PSMD2: variants seen among roughly 807,000 people sequenced by gnomAD.
The protein encoded by PSMD2 is 26S proteasome non-ATPase regulatory subunit 2.
A neutral mutation model predicts 101.5 loss-of-function variants in PSMD2; 8 were observed. The ratio of observed to expected loss-of-function variants is 0.08; its 90% CI spans 0.05 to 0.14. PSMD2 has a LOEUF of 0.14. Ranked by LOEUF, PSMD2 falls within the 10% of genes least tolerant of loss-of-function variation. The probability of loss-of-function intolerance (pLI) is 1.00; values close to 1 mark genes in which losing one functional copy is unlikely to be tolerated. For synonymous variants in PSMD2, 418 were observed against 433.8 expected (o/e 0.96, Z 0.45); for missense variants, 784 against 1,147.4 (o/e 0.68, Z 4.58).
rs377401512 is a variant in PSMD2, at chr3:184,300,277, C to T, written c.193-3C>T. ...TGTCTGAGCCCTGTCGTCTCTTGAT[C>T]AGGAGAAGGATACATCCCTGTATCG... is the stretch of plus-strand genomic sequence containing the variant. On this transcript the variant is annotated splice_polypyrimidine_tract_variant and splice_region_variant and intron_variant, in intron 2 of 20. Coordinates refer to ENST00000310118, the MANE Select transcript of PSMD2 (RefSeq NM_002808.5). 6.4e-5 allele frequency: 103 copies of T among 1,610,126 alleles called. No homozygotes were observed. In the African/African-American group the frequency reaches 1.1e-3, roughly 17 times the overall value.
At chr3:184,305,651 G>A in intron 12 of PSMD2, 117 bp from the exon 13 acceptor site, 2 of 932,004 alleles carry the variant, frequency 2.1e-6, no homozygotes, top group Non-Finnish European at 3.2e-6. Context: ...TTGATATTAT[G>A]AACTAATGTT....
rs1279518112 is a variant in PSMD2, at chr3:184,301,895, A to G, written c.528A>G (p.Ala176=). The change falls in exon 5 of 21, where the codon GCA becomes GCG. Residue 176 remains alanine (A), a synonymous_variant. Transcript: ENST00000310118. ...VAKEWQELDD[A]EKVQREPLLT... is the part of the protein sequence containing the mutation. ...AGGAGTGGCAGGAGCTGGATGACGC[A>G]GAGAAGGTCCAGCGGGAGCCTCTGC... is the stretch of plus-strand genomic sequence containing the variant. 2 of 1,614,118 alleles carry G rather than the reference A, an allele frequency of 1.2e-6. No individual in the cohort carries two copies. Among genetic ancestry groups the G allele is most frequent in the Non-Finnish European group, 1.7e-6 (2 of 1,180,062 alleles).
At position 184,306,434 on chromosome 3, in the gene PSMD2, A is replaced by G; in HGVS notation, c.1889A>G (p.Asp630Gly). The G allele has an allele frequency of 1.2e-6, 2 of 1,614,218 alleles. No homozygotes were observed. The highest frequency in any genetic ancestry group is 1.7e-6 in the Non-Finnish European group (2 of 1,180,034). The change falls in exon 15 of 21, where the codon GAC becomes GGC. Residue 630 changes from aspartate to glycine, a missense_variant. Physicochemically the swap from Asp to Gly is moderately conservative, Grantham distance 94. Transcript: ENST00000310118. ...FDSKEKEEDK[D>G]KKEKKDKDKK... ...TCCAAAGAGAAGGAGGAAGACAAAGACAAGAAGGAAAAGAAAGACAAGGAC... is the reference window on the plus strand; with the variant it reads ...TCCAAAGAGAAGGAGGAAGACAAAGGCAAGAAGGAAAAGAAAGACAAGGAC...
In PSMD2 at chr3:184,299,281, C is replaced by T. The variant is rs1370258076; in HGVS notation, c.15C>T (p.Gly5=). 12 of 1,359,580 alleles carry T rather than the reference C, an allele frequency of 8.8e-6. 1 individual carries two copies. In the African/African-American group the frequency reaches 9.1e-5, roughly 10 times the overall value. The allele number at this position is 1,359,580 out of a possible 1,614,324, so 84.2% of individuals were successfully genotyped here. A position where few individuals can be genotyped will look rare whatever the true frequency, so the allele number is the denominator to read the frequency against. The change falls in exon 1 of 21, where the codon GGC becomes GGT. Residue 5 remains glycine (G), a synonymous_variant. Transcript: ENST00000310118. ...TGGCGGCGGAGATGGAGGAGGGAGG[C>T]CGGGACAAGGCGCCGGTGCAGCCCC... The part of the protein sequence containing the change: MEEG[G]RDKAPVQPQQ...
At chr3:184,299,809 G>C in intron 1 of PSMD2, 42 bp from the exon 2 acceptor site, 1 of 1,543,102 alleles carries the variant, frequency 6.5e-7, no homozygotes, top group Non-Finnish European at 9.0e-7. Context: ...GGACGTCTTT[G>C]GGATTCCTTC....
At position 184,306,502 on chromosome 3, in the gene PSMD2, T is replaced by G. The variant is rs141471000; in HGVS notation, c.1950+7T>G. On this transcript the variant is annotated splice_region_variant and intron_variant, in intron 15 of 20. Coordinates refer to ENST00000310118, the MANE Select transcript of PSMD2 (RefSeq NM_002808.5). ...TGACATGGGAGCACATCAGGTTATA[T>G]GGGCAGCTGGGCACTTGCAGAGAGG... The G allele has an allele frequency of 1.2e-6, 2 of 1,610,626 alleles. No individual in the cohort carries two copies. Among genetic ancestry groups the G allele is most frequent in the Non-Finnish European group, 1.7e-6 (2 of 1,178,760 alleles).
chr3:184,300,264 G>A lies in PSMD2; in HGVS notation c.193-16G>A, dbSNP rs1276549167. ...TGTGACTCCTTTTTGTCTGAGCCCTGTCGTCTCTTGATCAGGAGAAGGATA... is the reference window on the plus strand; with the variant it reads ...TGTGACTCCTTTTTGTCTGAGCCCTATCGTCTCTTGATCAGGAGAAGGATA... On this transcript the variant is annotated splice_polypyrimidine_tract_variant and intron_variant, in intron 2 of 20. Coordinates refer to ENST00000310118, the MANE Select transcript of PSMD2 (RefSeq NM_002808.5). 1 of 1,606,702 alleles carries A rather than the reference G, an allele frequency of 6.2e-7. No homozygotes were observed.
Position 184,303,466 on chromosome 3 carries a change from G to T in PSMD2, c.1216G>T (p.Gly406Ter). The stretch of plus-strand genomic sequence containing the variant: ...ATGGCTTTACAAGAACAAGGACCAC[G>T]GTATAATTCTGTTCCTGCTTTGTCT... Reference protein sequence around the residue: ...NKWLYKNKDHGMLSAAASLGM... With the variant: ...NKWLYKNKDH The change falls in exon 9 of 21, where the codon GGA becomes TGA. Residue 406 changes from glycine (G) to a stop codon, truncating the protein, a stop_gained and splice_region_variant. Transcript: ENST00000310118. LOFTEE classifies it high-confidence loss of function. 6.2e-7 allele frequency: 1 copy of T among 1,613,616 alleles called. No individual in the cohort carries two copies.
At chr3:184,299,490 C>T in intron 1 of PSMD2, 89 bp downstream of exon 1, 1 of 1,305,286 alleles carries the variant, frequency 7.7e-7, no homozygotes, top group Non-Finnish European at 9.7e-7. Context: ...CCCAACTACC[C>T]CACCGCGCCA....
At position 184,308,702 on chromosome 3, in the gene PSMD2, C is replaced by T. The variant is rs779762990; in HGVS notation, c.2545-6C>T. ...CATCTCTCTTTTCAATTTTCTTACC[C>T]TACAGGCAGTGGATGTGGTGGGCCA... On this transcript the variant is annotated splice_polypyrimidine_tract_variant and splice_region_variant and intron_variant, in intron 20 of 20. Transcript: ENST00000310118. The surrounding 1 kb of genome is among the most constrained non-coding windows in gnomAD (Gnocchi z 6.0). The T allele has an allele frequency of 9.9e-6, 16 of 1,611,868 alleles. No individual in the cohort carries two copies. The South Asian group carries it at 1.5e-4, about 15-fold the overall frequency.
chr3:184,299,786 G>T lies in PSMD2; in HGVS notation c.136-65G>T, dbSNP rs886650491. The T allele has an allele frequency of 8.8e-6, 12 of 1,359,440 alleles. No individual in the cohort carries two copies. The African/African-American group carries it at 1.7e-4, about 19-fold the overall frequency. 84.2% of individuals were successfully genotyped at this position (1,359,440 alleles called of 1,614,324 possible). A position where few individuals can be genotyped will look rare whatever the true frequency, so the allele number is the denominator to read the frequency against. On this transcript the variant is annotated intron_variant, in intron 1 of 20. Coordinates refer to ENST00000310118, the MANE Select transcript of PSMD2 (RefSeq NM_002808.5). ...CAGGCTTATTCTTCACCTGCCCCGGGTAAGTGGGAGGAGGACGTCTTTGGG... is the reference window on the plus strand; with the variant it reads ...CAGGCTTATTCTTCACCTGCCCCGGTTAAGTGGGAGGAGGACGTCTTTGGG...
In PSMD2 at chr3:184,304,416, A is replaced by C. The variant is rs1560195492; in HGVS notation, c.1539+25A>C. 6.2e-7 allele frequency: 1 copy of C among 1,600,730 alleles called. No homozygotes were observed. The highest frequency in any genetic ancestry group is 1.7e-5 in the Admixed American group (1 of 59,996). On this transcript the variant is annotated intron_variant, in intron 12 of 20. Coordinates refer to ENST00000310118, the MANE Select transcript of PSMD2 (RefSeq NM_002808.5). This position sits in a 1 kb window ranked among gnomAD's most constrained non-coding sequence, Gnocchi z 4.1. ...GGTGAGTAGAGGCTATTGAGCATTT[A>C]GAGTAAGTAGGGAAGGTGCTTTGAG... is the stretch of plus-strand genomic sequence containing the variant.
In PSMD2 at chr3:184,308,532, C is replaced by G. The variant is rs776690633; in HGVS notation, c.2509C>G (p.Leu837Val). 62 of 1,613,584 alleles carry G rather than the reference C, an allele frequency of 3.8e-5. No homozygotes were observed. The highest frequency in any genetic ancestry group is 2.7e-4 in the Admixed American group (16 of 60,004). Reference sequence around the variant, plus strand: ...AATGCTGGTTACGTTTGATGAGGAGCTGCGGCCATTGCCAGTGTCTGTCCG... The same window carrying G: ...AATGCTGGTTACGTTTGATGAGGAGGTGCGGCCATTGCCAGTGTCTGTCCG... ...PRMLVTFDEELRPLPVSVRVG... is the reference protein window; with the variant it reads ...PRMLVTFDEEVRPLPVSVRVG... Residue 837 changes from leucine (L) to valine (V), a missense_variant, in exon 20 of 21, where the codon CTG (leucine) becomes GTG (valine). Physicochemically the swap from Leu to Val is conservative, Grantham distance 32. Transcript: ENST00000310118. The surrounding 1 kb of genome is among the most constrained non-coding windows in gnomAD (Gnocchi z 6.0).
At chr3:184,303,801 T>C in intron 10 of PSMD2, 52 bp downstream of exon 10, 2 of 1,601,400 alleles carry the variant, frequency 1.2e-6, no homozygotes, top group Non-Finnish European at 1.7e-6. Flanking sequence ...CATATTCTAG[T>C]GCCTAGCAGT....
chr3:184,308,944 C>G lies in PSMD2; in HGVS notation c.*54C>G. On this transcript the variant is annotated 3_prime_UTR_variant, in exon 21 of 21. Coordinates refer to ENST00000310118, the MANE Select transcript of PSMD2 (RefSeq NM_002808.5). The surrounding 1 kb of genome is among the most constrained non-coding windows in gnomAD (Gnocchi z 6.0). Reference sequence around the variant, plus strand: ...TGATGTTATCAGCAGGCCATGCATCCTGCTGCCAAGGGTGGACACGGCTGC... The same window carrying G: ...TGATGTTATCAGCAGGCCATGCATCGTGCTGCCAAGGGTGGACACGGCTGC... 1 of 1,550,434 alleles carries G rather than the reference C, an allele frequency of 6.4e-7. No individual in the cohort carries two copies. Among genetic ancestry groups the G allele is most frequent in the Non-Finnish European group, 8.8e-7 (1 of 1,137,294 alleles).
At chr3:184,307,553 A>T (rs778906523) in intron 17 of PSMD2, 28 bp downstream of exon 17, 13 of 1,614,158 alleles carry the variant, frequency 8.1e-6, no homozygotes, top group Non-Finnish European at 1.1e-5. Flanking sequence ...GAAGGTCATA[A>T]ACAGATTGGG....
rs759448769 is a variant in PSMD2, at chr3:184,305,840, A to C, written c.1612A>C (p.Ile538Leu). Residue 538 changes from isoleucine (I) to leucine (L), a missense_variant, in exon 13 of 21, where the codon ATC becomes CTC. Physicochemically the swap from Ile to Leu is conservative, Grantham distance 5. Coordinates refer to ENST00000310118, the MANE Select transcript of PSMD2 (RefSeq NM_002808.5). ...GSCNGDVTSTILQTIMEKSET... is the reference protein window; with the variant it reads ...GSCNGDVTSTLLQTIMEKSET... ...CTGCAATGGAGATGTAACTTCCACTATCCTTCAGACCATCATGGAGAAGTC... is the reference window on the plus strand; with the variant it reads ...CTGCAATGGAGATGTAACTTCCACTCTCCTTCAGACCATCATGGAGAAGTC... 4.3e-6 allele frequency: 7 copies of C among 1,614,192 alleles called. No individual in the cohort carries two copies. The highest frequency in any genetic ancestry group is 5.9e-6 in the Non-Finnish European group (7 of 1,180,032).
At chr3:184,306,590 G>A in intron 15 of PSMD2, 95 bp downstream of exon 15, 2 of 1,550,118 alleles carry the variant, frequency 1.3e-6, no homozygotes, top group Non-Finnish European at 8.7e-7. Context: ...GGCCTCTCTG[G>A]GTATTGCCAT....
At chr3:184,305,081 G>A (rs1468281689) in intron 12 of PSMD2, among the ~76,000 whole-genome samples, 1 of 152,136 alleles carries the variant, frequency 6.6e-6, no homozygotes, top group Non-Finnish European at 1.5e-5. Context: ...ACAGCATGGT[G>A]GCTAGTGGCA....
Sources: allele counts gnomAD v4.1 joint callset (sites outside exome capture counted in the v4.1 genomes callset), GRCh38; gene constraint gnomAD v4.1.1; non-coding constraint Gnocchi (gnomAD v3.1); transcripts MANE v1.5; gene names NCBI Gene and HGNC (gene_info 2026-07-23, HGNC 2026-07-21).